The following SLC37A3 variants were observed in gnomAD, a reference collection of about 807,000 sequenced individuals.
The protein encoded by SLC37A3 is solute carrier family 37 member 3, also known as sugar phosphate exchanger 3.
SLC37A3 carries 51 observed loss-of-function variants against 67.1 expected under a neutral mutation model. The ratio of observed to expected loss-of-function variants is 0.76; its 90% CI spans 0.61 to 0.96. The LOEUF is 0.96. Among genes scored for constraint, SLC37A3 ranks in the 40% least tolerant of loss-of-function variants. The probability of loss-of-function intolerance (pLI) is 0.00; values close to 1 mark genes in which losing one functional copy is unlikely to be tolerated. For synonymous variants in SLC37A3, 214 were observed against 231.4 expected (o/e 0.92, Z 0.68); for missense variants, 508 against 603.0 (o/e 0.84, Z 1.65).
intron 11 of SLC37A3, 38 bp downstream of exon 11, chr7:140,345,831 G>A (rs775615726): frequency 1.3e-6 from 2 of 1,485,152 alleles, no homozygotes; most frequent in Admixed American, 1.7e-5. Flanking sequence ...ACCAGATTAG[G>A]GGAGCAAAGG....
intron 3 of SLC37A3, chr7:140,379,967 CA>C (rs1426281993): frequency 5.9e-6 from 1 of 169,398 alleles, no homozygotes; most frequent in Non-Finnish European, 1.2e-5. Flanking sequence ...TGGAAAAGGG[CA>C]AAAGAGCACA....
chr7:140,356,884 G>A (rs1797051441), intron 6 of SLC37A3, among the ~76,000 whole-genome samples: 1 of 152,094 alleles, frequency 6.6e-6, no homozygotes, highest in Non-Finnish European at 1.5e-5. Flanking sequence ...ATGTAAAATG[G>A]TACGACCACC....
In SLC37A3 at chr7:140,341,440, CA is replaced by C. The variant is rs1190321150; in HGVS notation, c.1326+1971del. Among the ~76,000 whole-genome samples, 48 of 152,200 alleles carry C rather than the reference CA, an allele frequency of 3.2e-4. No homozygotes were observed. In the East Asian group the frequency reaches 8.9e-3, roughly 28 times the overall value. ...TACAGAACCGCATCAACTGCTATGG[CA>C]ACCTGAAGAAGAAACAATTCTTTAC... is the stretch of plus-strand genomic sequence containing the variant. On this transcript the variant is annotated intron_variant, in intron 13 of 14. Coordinates refer to ENST00000326232, the MANE Select transcript of SLC37A3 (RefSeq NM_207113.3).
intron 1 of SLC37A3, among the ~76,000 whole-genome samples, chr7:140,396,882 GTTTTTTTTTTTGTTT>G (rs949088382): frequency 3.0e-5 from 3 of 100,866 alleles, no homozygotes; most frequent in African/African-American, 1.1e-4. Context: ...CTCAATTTCT[GTTTTTTTTTTTGTTT>G]TTTTTTTTTT....
intron 3 of SLC37A3, among the ~76,000 whole-genome samples, chr7:140,376,362 A>C (rs1563042878): frequency 6.6e-6 from 1 of 152,230 alleles, no homozygotes; most frequent in South Asian, 2.1e-4. Context: ...TTCATAGTGA[A>C]CCATCCCATG....
intron 3 of SLC37A3, 117 bp from the exon 4 acceptor site, chr7:140,369,799 A>C: frequency 1.3e-6 from 1 of 741,644 alleles, no homozygotes; most frequent in Non-Finnish European, 2.2e-6. Flanking sequence ...AACAACTTTT[A>C]CTTCAAATGT....
At chr7:140,386,002 C>A (rs899736536) in intron 1 of SLC37A3, among the ~76,000 whole-genome samples, 1 of 151,940 alleles carries the variant, frequency 6.6e-6, no homozygotes, top group Non-Finnish European at 1.5e-5. Context: ...AGGCTGGTCT[C>A]GAACTCCTAA....
At chr7:140,378,112 C>T (rs1032276731) in intron 3 of SLC37A3, among the ~76,000 whole-genome samples, 2 of 152,182 alleles carry the variant, frequency 1.3e-5, no homozygotes, top group African/African-American at 4.8e-5. Context: ...TTAGGCAGTA[C>T]AACCAGAAAT....
At chr7:140,362,482 C>T (rs78099985) in intron 5 of SLC37A3, among the ~76,000 whole-genome samples, 36,442 of 119,064 alleles carry the variant, frequency 0.31, 2,783 homozygotes, top group Non-Finnish European at 0.35. Flanking sequence ...GGCGCCTCTG[C>T]CCGGCCGCCC....
At chr7:140,375,212 T>C (rs1310047005) in intron 3 of SLC37A3, among the ~76,000 whole-genome samples, 2 of 148,278 alleles carry the variant, frequency 1.3e-5, no homozygotes, top group Non-Finnish European at 3.0e-5. Flanking sequence ...CTCCTGCTTG[T>C]AATCCTAGCA....
chr7:140,360,658 T>C (rs896820022), intron 5 of SLC37A3, among the ~76,000 whole-genome samples: 1 of 149,896 alleles, frequency 6.7e-6, no homozygotes, highest in Non-Finnish European at 1.5e-5. Flanking sequence ...GGCTTGAATC[T>C]GGGAAGTGGA....
chr7:140,354,718 G>A (rs1295395458), intron 7 of SLC37A3, among the ~76,000 whole-genome samples: 3 of 150,960 alleles, frequency 2.0e-5, no homozygotes, highest in Non-Finnish European at 4.4e-5. Context: ...ATATTAGGGG[G>A]GATTAGTCTT....
At chr7:140,392,502 G>A (rs576163733) in intron 1 of SLC37A3, among the ~76,000 whole-genome samples, 2 of 151,994 alleles carry the variant, frequency 1.3e-5, no homozygotes, top group African/African-American at 2.4e-5. Context: ...CACTGCCACC[G>A]CCCTAAGATA....
chr7:140,348,660 C>A lies in SLC37A3; in HGVS notation c.990G>T (p.Lys330Asn). 1 of 1,614,064 alleles carries A rather than the reference C, an allele frequency of 6.2e-7. No individual in the cohort carries two copies. Among genetic ancestry groups the A allele is most frequent in the Admixed American group, 1.7e-5 (1 of 59,972 alleles). ...NFGWKEAEAD[K>N]LSIWYDVGGI... Reference sequence around the variant, plus strand: ...CTCCAACGTCGTACCAAATGGACAGCTTGTCGGCTTCCGCCTCCTTCCAGC... The same window carrying A: ...CTCCAACGTCGTACCAAATGGACAGATTGTCGGCTTCCGCCTCCTTCCAGC... The change falls in exon 10 of 15, where the codon AAG becomes AAT. Residue 330 changes from lysine to asparagine, a missense_variant. By Grantham distance (94) the Lys-to-Asn change is moderately conservative. Coordinates refer to ENST00000326232, the MANE Select transcript of SLC37A3 (RefSeq NM_207113.3).
chr7:140,342,547 C>G (rs1056310469), intron 13 of SLC37A3, among the ~76,000 whole-genome samples: 1 of 152,162 alleles, frequency 6.6e-6, no homozygotes, highest in East Asian at 1.9e-4. Context: ...TTTATCCATA[C>G]AGATGACTCT....
chr7:140,351,226 G>A (rs372005159), intron 9 of SLC37A3, 47 bp downstream of exon 9: 12 of 1,560,680 alleles, frequency 7.7e-6, no homozygotes, highest in Admixed American at 1.9e-5. Context: ...GAGATGTCAC[G>A]GGCTCTCATA....
At chr7:140,349,539 G>C (rs1386163725) in intron 9 of SLC37A3, among the ~76,000 whole-genome samples, 1 of 106,470 alleles carries the variant, frequency 9.4e-6, no homozygotes, top group East Asian at 2.5e-4. Context: ...AAAGGAAAAA[G>C]GGGGGGGGGA....
At chr7:140,352,950 G>A (rs914277199) in intron 7 of SLC37A3, among the ~76,000 whole-genome samples, 2 of 152,090 alleles carry the variant, frequency 1.3e-5, no homozygotes, top group African/African-American at 4.8e-5. Flanking sequence ...CAGCTCAGAA[G>A]GTGAACTGAA....
rs1797736589 is a variant in SLC37A3, at chr7:140,369,549, C to CA, written c.291+40dup. 1.9e-6 allele frequency: 3 copies of CA among 1,552,882 alleles called. No individual in the cohort carries two copies. In the East Asian group the frequency reaches 6.7e-5, roughly 35 times the overall value. On this transcript the variant is annotated intron_variant, in intron 4 of 14. Coordinates refer to ENST00000326232, the MANE Select transcript of SLC37A3 (RefSeq NM_207113.3). ...TAAGGCTCAGGGTCATTTATATTTA[C>CA]ATTTTTCTTTAGCTTTAAGCCCTAG...
Sources: gnomAD v4.1 joint callset for allele counts (sites outside exome capture counted in the v4.1 genomes callset) on GRCh38, gnomAD v4.1.1 for gene constraint, MANE v1.5 for transcripts, NCBI Gene and HGNC (gene_info 2026-07-23, HGNC 2026-07-21) for gene names.